ANKRD30B: variants seen among roughly 807,000 people sequenced by gnomAD.
The protein encoded by ANKRD30B is ankyrin repeat domain 30B, also known as ankyrin repeat domain-containing protein 30B.
Under a neutral mutation model 202.2 loss-of-function variants are expected in ANKRD30B, and 144 were observed. That is an observed-to-expected ratio of 0.71 (90% CI 0.62 to 0.82). The LOEUF (loss-of-function observed/expected upper bound fraction) is 0.82. ANKRD30B is among the 40% of genes least tolerant of loss of function. The pLI is 0.00. For synonymous variants in ANKRD30B, 508 were observed against 561.3 expected, an observed-to-expected ratio of 0.91 and a Z score of 1.34; for missense variants, 1,487 against 1,669.1, an observed-to-expected ratio of 0.89 and a Z score of 1.90.
chr18:14,877,710 C>G, the ANKRD30B span: 5 of 152,246 alleles, frequency 3.3e-5, no homozygotes, highest in Non-Finnish European at 7.3e-5. Flanking sequence ...TTGGTCTGTC[C>G]TCTTTCTACT....
chr18:14,865,626 T>TC, the ANKRD30B span, among the ~76,000 whole-genome samples: 1 of 151,184 alleles, frequency 6.6e-6, no homozygotes, highest in East Asian at 2.0e-4. Flanking sequence ...GTTTTTTTTT[T>TC]CCCAACATCT....
chr18:14,757,797 A>G lies in ANKRD30B; in HGVS notation c.618-18A>G, dbSNP rs759654017. 23 of 1,608,766 alleles carry G rather than the reference A, an allele frequency of 1.4e-5. No homozygotes were observed. The highest frequency in any genetic ancestry group is 1.7e-4 in the Middle Eastern group (1 of 5,992). ...AAATTGATTCTGCTCATAATAAGTTATCTCTTTGTTATTTTAGCACAGCCC... is the reference window on the plus strand; with the variant it reads ...AAATTGATTCTGCTCATAATAAGTTGTCTCTTTGTTATTTTAGCACAGCCC... On this transcript the variant is annotated intron_variant, in intron 4 of 43. Transcript: ENST00000690538.
At chr18:14,759,074 A>T (rs781593996) in intron 5 of ANKRD30B, 5 of 152,176 alleles carry the variant, frequency 3.3e-5, no homozygotes, top group Non-Finnish European at 5.9e-5. Flanking sequence ...CAAATTCTGC[A>T]TTACCATGAA....
intron 26 of ANKRD30B, 59 bp from the exon 27 acceptor site, chr18:14,809,927 A>G (rs375114543): frequency 1.6e-5 from 21 of 1,331,160 alleles, no homozygotes; most frequent in South Asian, 2.4e-5. Flanking sequence ...CTCTATGAAC[A>G]TTTGGTAGGC....
At chr18:14,784,854 T>C (rs1014728820) in intron 14 of ANKRD30B, among the ~76,000 whole-genome samples, 1 of 152,168 alleles carries the variant, frequency 6.6e-6, no homozygotes, top group African/African-American at 2.4e-5. Context: ...TTTTTAGTTC[T>C]TTGAAGCTTG....
chr18:14,774,253 T>C (rs1967211646), intron 9 of ANKRD30B, among the ~76,000 whole-genome samples: 1 of 152,168 alleles, frequency 6.6e-6, no homozygotes, highest in African/African-American at 2.4e-5. Context: ...GTCTGTACTT[T>C]ATGTGTTTCA....
chr18:14,818,910 A>G (rs952899147), intron 30 of ANKRD30B, among the ~76,000 whole-genome samples: 2 of 151,798 alleles, frequency 1.3e-5, no homozygotes, highest in African/African-American at 4.8e-5. Flanking sequence ...TGGTATTTCC[A>G]GTTCTAGATC....
chr18:14,766,197 G>T (rs1283801336), intron 7 of ANKRD30B, among the ~76,000 whole-genome samples: 1 of 151,994 alleles, frequency 6.6e-6, no homozygotes, highest in African/African-American at 2.4e-5. Context: ...TGTCAGGTCA[G>T]GGCTGGGCAT....
chr18:14,789,878 T>A (rs1667513206), intron 15 of ANKRD30B, among the ~76,000 whole-genome samples: 1 of 152,216 alleles, frequency 6.6e-6, no homozygotes, highest in Non-Finnish European at 1.5e-5. Flanking sequence ...ATGCAGGCTC[T>A]TTTTTGGTTA....
intron 8 of ANKRD30B, among the ~76,000 whole-genome samples, chr18:14,770,867 T>A (rs138915156): frequency 1.3e-5 from 2 of 151,696 alleles, no homozygotes; most frequent in Non-Finnish European, 2.9e-5. Flanking sequence ...GATAGAAATG[T>A]CCTATTCTGT....
chr18:14,773,626 T>G (rs1404116987), intron 9 of ANKRD30B, among the ~76,000 whole-genome samples: 1 of 151,166 alleles, frequency 6.6e-6, no homozygotes, highest in African/African-American at 2.4e-5. Context: ...CCAAGTGGAG[T>G]TTAGATTAAA....
At chr18:14,914,572 T>C in the ANKRD30B span, among the ~76,000 whole-genome samples, 1 of 152,146 alleles carries the variant, frequency 6.6e-6, no homozygotes, top group African/African-American at 2.4e-5. Context: ...TGGGCAAGAA[T>C]TGTGGTGGAG....
chr18:14,788,830 T>A (rs1474596381), intron 15 of ANKRD30B, among the ~76,000 whole-genome samples: 1 of 152,138 alleles, frequency 6.6e-6, no homozygotes, highest in Non-Finnish European at 1.5e-5. Context: ...GTCTTTGCTA[T>A]TGTGAATAGT....
At chr18:14,872,486 A>G in the ANKRD30B span, among the ~76,000 whole-genome samples, 4 of 152,150 alleles carry the variant, frequency 2.6e-5, no homozygotes, top group African/African-American at 9.7e-5. Context: ...TTAACAATTT[A>G]TTGAGAACCT....
At chr18:14,829,484 A>G (rs1234833759) in intron 33 of ANKRD30B, among the ~76,000 whole-genome samples, 2 of 152,200 alleles carry the variant, frequency 1.3e-5, no homozygotes, top group African/African-American at 2.4e-5. Context: ...GTAGAAGTAG[A>G]TAAGAATGGA....
intron 39 of ANKRD30B, among the ~76,000 whole-genome samples, chr18:14,844,367 C>T (rs1224982141): frequency 6.6e-6 from 1 of 152,092 alleles, no homozygotes; most frequent in African/African-American, 2.4e-5. Flanking sequence ...ACCTATGGAC[C>T]ATTAAAGCTA....
At chr18:14,819,376 A>G (rs993829173) in intron 30 of ANKRD30B, among the ~76,000 whole-genome samples, 2 of 150,658 alleles carry the variant, frequency 1.3e-5, no homozygotes, top group African/African-American at 4.9e-5. Flanking sequence ...ATTAGATCCC[A>G]TTTGTCAATT....
intron 1 of ANKRD30B, among the ~76,000 whole-genome samples, chr18:14,750,432 AC>A (rs1348241324): frequency 6.6e-6 from 1 of 152,148 alleles, no homozygotes; most frequent in African/African-American, 2.4e-5. Context: ...GGAATCAAAT[AC>A]TGTTTTCTAT....
the ANKRD30B span, among the ~76,000 whole-genome samples, chr18:14,907,166 G>A: frequency 6.6e-6 from 1 of 152,012 alleles, no homozygotes; most frequent in Non-Finnish European, 1.5e-5. Flanking sequence ...AGTATAATGA[G>A]GCAGGTCCGA....
Sources: gnomAD v4.1 joint callset for allele counts (sites outside exome capture counted in the v4.1 genomes callset) on GRCh38, gnomAD v4.1.1 for gene constraint, MANE v1.5 for transcripts, NCBI Gene and HGNC (gene_info 2026-07-23, HGNC 2026-07-21) for gene names.